RFX3: variants seen among roughly 807,000 people sequenced by gnomAD.
The protein encoded by RFX3 is regulatory factor X3, also known as transcription factor RFX3.
In RFX3, 14 loss-of-function variants were observed where a neutral mutation model predicts 98.6. The observed-to-expected ratio is 0.14, with a 90% CI of 0.09 to 0.22. The LOEUF (loss-of-function observed/expected upper bound fraction) is 0.22. Ranked by LOEUF, RFX3 falls within the 10% of genes least tolerant of loss-of-function variation. The pLI is 1.00. For missense variants in RFX3, 639 were observed against 926.9 expected (o/e 0.69, Z 4.03); for synonymous variants, 383 against 328.4 (o/e 1.17, Z -1.80).
chr9:3,247,390 A>C, intron 15 of RFX3: 5 of 933,344 alleles, frequency 5.4e-6, no homozygotes, highest in Non-Finnish European at 6.4e-6. Context: ...GTTTGAAAAA[A>C]AAATCTCTAC....
At chr9:3,336,545 CAAG>C (rs1833201859) in intron 3 of RFX3, among the ~76,000 whole-genome samples, 1 of 151,862 alleles carries the variant, frequency 6.6e-6, no homozygotes, top group Admixed American at 6.6e-5. Context: ...CTATGGAAAA[CAAG>C]AAGAATAAAA....
rs576834460 is a variant in RFX3 at position 3,497,928 on chromosome 9, G to A, written c.-9+27819C>T. Among the ~76,000 whole-genome samples, 50 of 151,980 alleles carry A rather than the reference G, an allele frequency of 3.3e-4. 1 individual carries two copies. The highest frequency in any genetic ancestry group is 6.2e-4 in the South Asian group (3 of 4,824). On this transcript the variant is annotated intron_variant, in intron 1 of 16. Transcript: ENST00000617270. The stretch of plus-strand genomic sequence containing the variant: ...TTTCTGCTCTTTACTGTAATTGCCC[G>A]TCTTTACTATAACTGCCACTTTAAC...
At chr9:3,387,721 C>A (rs1263337424) in intron 2 of RFX3, among the ~76,000 whole-genome samples, 1 of 151,998 alleles carries the variant, frequency 6.6e-6, no homozygotes, top group Non-Finnish European at 1.5e-5. Context: ...TATGAGAACA[C>A]TGTCCCCCCT....
chr9:3,377,432 C>T (rs111675040), intron 2 of RFX3, among the ~76,000 whole-genome samples: 1,803 of 152,086 alleles, frequency 0.012, 26 homozygotes, highest in African/African-American at 0.036. Context: ...CATCACACAC[C>T]GGGGCCTGTC....
At chr9:3,452,622 C>A (rs1021947863) in intron 1 of RFX3, among the ~76,000 whole-genome samples, 13 of 152,216 alleles carry the variant, frequency 8.5e-5, no homozygotes, top group African/African-American at 3.1e-4. Flanking sequence ...GGAAGAATAA[C>A]CACAATTTAG....
At chr9:3,273,109 A>C (rs1824717611) in intron 9 of RFX3, among the ~76,000 whole-genome samples, 1 of 152,202 alleles carries the variant, frequency 6.6e-6, no homozygotes, top group Admixed American at 6.5e-5. Flanking sequence ...GTTCAGACTA[A>C]AATATATAGG....
chr9:3,330,170 T>A, intron 4 of RFX3, 89 bp downstream of exon 4: 1 of 1,330,166 alleles, frequency 7.5e-7, no homozygotes, highest in South Asian at 1.3e-5. Context: ...CCCAGTCCCA[T>A]CTGTGTTGTT....
At chr9:3,331,533 TC>T (rs1195863179) in intron 3 of RFX3, among the ~76,000 whole-genome samples, 1 of 152,180 alleles carries the variant, frequency 6.6e-6, no homozygotes, top group Non-Finnish European at 1.5e-5. Context: ...AGCTAGCCAT[TC>T]CTGAGAGTTT....
chr9:3,237,803 G>A (rs962660342), intron 15 of RFX3, among the ~76,000 whole-genome samples: 3 of 152,168 alleles, frequency 2.0e-5, no homozygotes, highest in Non-Finnish European at 4.4e-5. Context: ...TTAAATACAG[G>A]AGTGGAGCAC....
chr9:3,232,052 AAGC>A, intron 15 of RFX3, among the ~76,000 whole-genome samples: 3 of 151,862 alleles, frequency 2.0e-5, no homozygotes, highest in Non-Finnish European at 4.4e-5. Flanking sequence ...GCAAGCAAGC[AAGC>A]AAGCAAGCAA....
intron 4 of RFX3, among the ~76,000 whole-genome samples, chr9:3,320,442 C>T (rs1476836175): frequency 1.3e-5 from 2 of 151,716 alleles, no homozygotes; most frequent in African/African-American, 2.4e-5. Context: ...TACTCAGCTA[C>T]TTGGGAGGAT....
At chr9:3,468,826 A>G (rs1351175749) in intron 1 of RFX3, among the ~76,000 whole-genome samples, 1 of 151,028 alleles carries the variant, frequency 6.6e-6, no homozygotes, top group African/African-American at 2.4e-5. Flanking sequence ...AAAAAAAAAA[A>G]AAAAAGAAAA....
intron 15 of RFX3, among the ~76,000 whole-genome samples, chr9:3,243,903 C>T (rs145681329): frequency 9.2e-4 from 140 of 152,210 alleles, no homozygotes; most frequent in South Asian, 1.7e-3. Context: ...TGCCAGACTG[C>T]GTGGTTTCAG....
Position 3,435,066 on chromosome 9 carries a change from G to T in RFX3, c.-8-39470C>A, listed in dbSNP as rs567965838. Among the ~76,000 whole-genome samples, 3 of 151,730 alleles carry T rather than the reference G, an allele frequency of 2.0e-5. No homozygotes were observed. The East Asian group carries it at 5.8e-4, about 29-fold the overall frequency. On this transcript the variant is annotated intron_variant, in intron 1 of 16. Coordinates refer to ENST00000617270, the MANE Select transcript of RFX3 (RefSeq NM_001282116.2). Reference sequence around the variant, plus strand: ...ATAAAAAATGGTATATTTGTATTAGGCACTTAACAGAAATGGAACCTATAG... The same window carrying T: ...ATAAAAAATGGTATATTTGTATTAGTCACTTAACAGAAATGGAACCTATAG...
At chr9:3,463,829 C>T (rs1349363243) in intron 1 of RFX3, among the ~76,000 whole-genome samples, 3 of 151,946 alleles carry the variant, frequency 2.0e-5, no homozygotes, top group East Asian at 1.9e-4. Context: ...AAAAAATTAG[C>T]CAGGCATGGA....
intron 1 of RFX3, among the ~76,000 whole-genome samples, chr9:3,483,001 T>C (rs1025576557): frequency 6.6e-6 from 1 of 152,234 alleles, no homozygotes; most frequent in Non-Finnish European, 1.5e-5. Flanking sequence ...TTAGCCATTG[T>C]ACCAAGAGTA....
At chr9:3,413,116 G>C (rs12006284) in intron 1 of RFX3, among the ~76,000 whole-genome samples, 4,090 of 150,224 alleles carry the variant, frequency 0.027, 192 homozygotes, top group African/African-American at 0.098. Context: ...TCATTTTATA[G>C]CAAGATCGAT....
chr9:3,337,482 A>T lies in RFX3; in HGVS notation c.216-6965T>A, dbSNP rs145433717. On this transcript the variant is annotated intron_variant, in intron 3 of 16. Coordinates refer to ENST00000617270, the MANE Select transcript of RFX3 (RefSeq NM_001282116.2). ...AAGGAAATCAACTTAGGACTCAAAT[A>T]ACCAGGTGGACTTGCTCTAAACAAG... is the stretch of plus-strand genomic sequence containing the variant. Among the ~76,000 whole-genome samples, 8 of 152,334 alleles carry T rather than the reference A, an allele frequency of 5.3e-5. No homozygotes were observed. In the East Asian group the frequency reaches 1.5e-3, roughly 29 times the overall value.
intron 4 of RFX3, among the ~76,000 whole-genome samples, chr9:3,325,936 A>T (rs892464843): frequency 6.6e-6 from 1 of 152,162 alleles, no homozygotes; most frequent in Non-Finnish European, 1.5e-5. Flanking sequence ...ATGAGTTCAG[A>T]ATTATGACTG....
Sources: gnomAD v4.1 joint callset for allele counts (sites outside exome capture counted in the v4.1 genomes callset) on GRCh38, gnomAD v4.1.1 for gene constraint, MANE v1.5 for transcripts, NCBI Gene and HGNC (gene_info 2026-07-23, HGNC 2026-07-21) for gene names.